GPHN: variants seen among roughly 807,000 people sequenced by gnomAD.
GPHN encodes gephyrin.
GPHN carries 17 observed loss-of-function variants against 95.5 expected under a neutral mutation model. The ratio of observed to expected loss-of-function variants is 0.18; its 90% confidence interval spans 0.12 to 0.27. The LOEUF (loss-of-function observed/expected upper bound fraction) is 0.27, where lower values mean the gene tolerates loss of function less well. Among genes scored for constraint, GPHN ranks in the 10% least tolerant of loss-of-function variants. The pLI is 1.00. For missense variants in GPHN, 660 were observed against 978.1 expected, an observed-to-expected ratio of 0.67 and a Z score of 4.34; for synonymous variants, 320 against 322.5, an observed-to-expected ratio of 0.99 and a Z score of 0.08.
the GPHN span, among the ~76,000 whole-genome samples, chr14:67,498,441 C>A: frequency 1.3e-5 from 2 of 152,192 alleles, no homozygotes; most frequent in African/African-American, 4.8e-5. Context: ...TTATAACTAA[C>A]TTTCCCTTTA....
At chr14:67,218,045 T>C in the GPHN span, among the ~76,000 whole-genome samples, 7 of 152,072 alleles carry the variant, frequency 4.6e-5, no homozygotes, top group African/African-American at 1.7e-4. Context: ...TCTTTAGTGT[T>C]TGCAAGTTTC....
chr14:67,620,358 C>T, the GPHN span, among the ~76,000 whole-genome samples: 1 of 151,810 alleles, frequency 6.6e-6, no homozygotes, highest in Admixed American at 6.6e-5. Context: ...ACCGAGAAAA[C>T]GGTGGATGCA....
chr14:66,935,460 AAT>A (rs1206019100), intron 8 of GPHN, among the ~76,000 whole-genome samples: 1 of 149,432 alleles, frequency 6.7e-6, no homozygotes, highest in African/African-American at 2.5e-5. Context: ...TGTGTGTGTG[AAT>A]ATATATATGT....
chr14:66,804,157 G>T (rs2060460428), intron 3 of GPHN, among the ~76,000 whole-genome samples: 1 of 152,194 alleles, frequency 6.6e-6, no homozygotes, highest in Admixed American at 6.5e-5. Context: ...TAGGCAGAAA[G>T]TGTGAGAAAT....
intron 18 of GPHN, among the ~76,000 whole-genome samples, chr14:67,156,854 C>A (rs936802070): frequency 6.6e-6 from 1 of 151,744 alleles, no homozygotes; most frequent in Non-Finnish European, 1.5e-5. Flanking sequence ...CCTGTAGTCC[C>A]AGCTACTCAG....
At chr14:67,555,385 G>A in the GPHN span, among the ~76,000 whole-genome samples, 1 of 152,228 alleles carries the variant, frequency 6.6e-6, no homozygotes, top group Non-Finnish European at 1.5e-5. Context: ...TATTCTGAGT[G>A]GGGAGAAGTG....
the GPHN span, among the ~76,000 whole-genome samples, chr14:67,318,527 G>A: frequency 6.6e-6 from 1 of 152,092 alleles, no homozygotes; most frequent in Non-Finnish European, 1.5e-5. Flanking sequence ...TATACACACT[G>A]AGTCTATAAA....
the GPHN span, among the ~76,000 whole-genome samples, chr14:67,641,513 C>T: frequency 6.6e-6 from 1 of 152,194 alleles, no homozygotes; most frequent in Non-Finnish European, 1.5e-5. Context: ...TTGCCTCACA[C>T]AACTGTTTTG....
chr14:67,404,141 GA>G, the GPHN span, among the ~76,000 whole-genome samples: 1 of 152,104 alleles, frequency 6.6e-6, no homozygotes, highest in Admixed American at 6.6e-5. Flanking sequence ...TGAAAAAAAT[GA>G]AAAATAATCT....
At chr14:66,988,325 A>T (rs1454190305) in intron 9 of GPHN, among the ~76,000 whole-genome samples, 1 of 152,022 alleles carries the variant, frequency 6.6e-6, no homozygotes, top group Non-Finnish European at 1.5e-5. Flanking sequence ...TCTTGTCATG[A>T]GACTTCATTT....
intron 18 of GPHN, among the ~76,000 whole-genome samples, chr14:67,145,221 C>A (rs2080830998): frequency 1.3e-5 from 2 of 152,070 alleles, no homozygotes; most frequent in African/African-American, 4.8e-5. Flanking sequence ...TCTGATTAAC[C>A]TAATTGTGGG....
chr14:66,757,637 A>T (rs1595803420), intron 2 of GPHN, among the ~76,000 whole-genome samples: 1 of 152,066 alleles, frequency 6.6e-6, no homozygotes. Context: ...TAATCTGCCC[A>T]CCTCAGCCTC....
At chr14:67,481,966 A>G in the GPHN span, among the ~76,000 whole-genome samples, 1 of 152,258 alleles carries the variant, frequency 6.6e-6, no homozygotes, top group Admixed American at 6.5e-5. Flanking sequence ...GGAGAGTGTG[A>G]GCAAGGTTGA....
At chr14:67,059,877 A>T (rs976139272) in intron 11 of GPHN, among the ~76,000 whole-genome samples, 2 of 152,160 alleles carry the variant, frequency 1.3e-5, no homozygotes, top group Non-Finnish European at 2.9e-5. Context: ...TCAATAAAGG[A>T]AAGATTAGAA....
the GPHN span, among the ~76,000 whole-genome samples, chr14:67,438,163 A>G: frequency 6.6e-6 from 1 of 152,106 alleles, no homozygotes; most frequent in Non-Finnish European, 1.5e-5. Context: ...CTCTGGCCCC[A>G]AGATGTTTTG....
chr14:67,448,685 T>G, the GPHN span, among the ~76,000 whole-genome samples: 1 of 152,138 alleles, frequency 6.6e-6, no homozygotes, highest in African/African-American at 2.4e-5. Flanking sequence ...ACAATAATGC[T>G]GCCCTACTGA....
At chr14:67,556,158 C>T in the GPHN span, among the ~76,000 whole-genome samples, 1 of 152,202 alleles carries the variant, frequency 6.6e-6, no homozygotes, top group Admixed American at 6.5e-5. Context: ...AGTTCTCACT[C>T]GTGGAACCTG....
chr14:67,600,205 ACGCCCCCACTCGGC>A, the GPHN span: 7 of 1,570,374 alleles, frequency 4.5e-6, no homozygotes, highest in Non-Finnish European at 6.0e-6. Flanking sequence ...ATCCTCCATG[ACGCCCCCACTCGGC>A]CGCCCGCACC....
At chr14:66,904,744 C>G (rs2065290802) in intron 5 of GPHN, among the ~76,000 whole-genome samples, 1 of 152,096 alleles carries the variant, frequency 6.6e-6, no homozygotes, top group Non-Finnish European at 1.5e-5. Flanking sequence ...GGGGAACTCT[C>G]TAGGCCAGCC....
Sources: gnomAD v4.1 joint callset for allele counts (sites outside exome capture counted in the v4.1 genomes callset) on GRCh38, gnomAD v4.1.1 for gene constraint, MANE v1.5 for transcripts, NCBI Gene and HGNC (gene_info 2026-07-23, HGNC 2026-07-21) for gene names.